The following ZBTB20 variants were observed in gnomAD, a reference collection of about 807,000 sequenced individuals.
The protein encoded by ZBTB20 is zinc finger and BTB domain-containing protein 20.
A neutral mutation model predicts 56.9 loss-of-function variants in ZBTB20; 9 were observed. The ratio of observed to expected loss-of-function variants is 0.16; its 90% CI spans 0.10 to 0.28. The LOEUF (loss-of-function observed/expected upper bound fraction) is 0.28, where lower values mean the gene tolerates loss of function less well. Among genes scored for constraint, ZBTB20 ranks in the 10% least tolerant of loss-of-function variants. The pLI, the probability that ZBTB20 is intolerant of heterozygous loss-of-function variation, is 1.00. For missense variants in ZBTB20, 655 were observed against 1,003.0 expected (o/e 0.65, Z 4.69); for synonymous variants, 417 against 420.7 (o/e 0.99, Z 0.11).
chr3:114,420,483 G>T (rs904949003), intron 7 of ZBTB20, among the ~76,000 whole-genome samples: 10 of 152,202 alleles, frequency 6.6e-5, no homozygotes, highest in Middle Eastern at 3.4e-3. Flanking sequence ...AAGGTGTCTT[G>T]CCCGCCTGTG....
rs1213788046 is a variant in ZBTB20, at chr3:114,318,383, G to C, written c.*20622C>G. The C allele has an allele frequency of 6.6e-6, 1 of 152,474 alleles. No individual in the cohort carries two copies. The highest frequency in any genetic ancestry group is 1.5e-5 in the Non-Finnish European group (1 of 68,242). 9.4% of individuals were successfully genotyped at this position (152,474 alleles called of 1,614,324 possible). On this transcript the variant is annotated 3_prime_UTR_variant, in exon 12 of 12. Coordinates refer to ENST00000675478, the MANE Select transcript of ZBTB20 (RefSeq NM_001348800.3). The stretch of plus-strand genomic sequence containing the variant: ...GGAATGTGGGCTGCTGAGAAAGGCA[G>C]AGCCAGGCTAGGGAACGATGATAAC...
intron 5 of ZBTB20, among the ~76,000 whole-genome samples, chr3:114,738,931 G>C (rs2066379863): frequency 6.6e-6 from 1 of 152,128 alleles, no homozygotes; most frequent in Admixed American, 6.5e-5. Flanking sequence ...ACATAAGCTG[G>C]ATGCTAGACT....
chr3:114,855,280 T>C (rs2075194953), intron 4 of ZBTB20, among the ~76,000 whole-genome samples: 1 of 152,218 alleles, frequency 6.6e-6, no homozygotes, highest in East Asian at 1.9e-4. Flanking sequence ...CTAGTATAGA[T>C]TGATTTTGTT....
chr3:115,138,831 T>G (rs1481257950), intron 1 of ZBTB20, among the ~76,000 whole-genome samples: 3 of 152,064 alleles, frequency 2.0e-5, no homozygotes, highest in South Asian at 2.1e-4. Flanking sequence ...AATACAAGGA[T>G]AGAATGCATT....
At chr3:114,469,190 A>G (rs1415173460) in intron 7 of ZBTB20, among the ~76,000 whole-genome samples, 1 of 152,122 alleles carries the variant, frequency 6.6e-6, no homozygotes, top group Non-Finnish European at 1.5e-5. Context: ...AATTAAAGAA[A>G]GGGCAAGACG....
intron 2 of ZBTB20, among the ~76,000 whole-genome samples, chr3:115,050,958 GATCT>G (rs1224132218): frequency 7.9e-5 from 12 of 151,982 alleles, no homozygotes; most frequent in African/African-American, 2.7e-4. Context: ...TTAAAATAAT[GATCT>G]ATCATTTTTT....
chr3:114,542,932 C>A (rs1294239888), intron 6 of ZBTB20, among the ~76,000 whole-genome samples: 2 of 152,054 alleles, frequency 1.3e-5, no homozygotes, highest in Non-Finnish European at 2.9e-5. Flanking sequence ...TGGGTTTAAA[C>A]GAAAGCTGGA....
chr3:114,693,795 C>T (rs1386454623), intron 5 of ZBTB20, among the ~76,000 whole-genome samples: 6 of 152,088 alleles, frequency 3.9e-5, no homozygotes, highest in Non-Finnish European at 8.8e-5. Flanking sequence ...TTTAAGGTCT[C>T]TAACCAGTTG....
intron 2 of ZBTB20, among the ~76,000 whole-genome samples, chr3:115,031,231 T>A (rs536540819): frequency 6.6e-6 from 1 of 150,772 alleles, no homozygotes; most frequent in Non-Finnish European, 1.5e-5. Flanking sequence ...CATGAATTAG[T>A]GGAGGTAATG....
intron 7 of ZBTB20, among the ~76,000 whole-genome samples, chr3:114,399,805 C>A (rs1406174747): frequency 2.6e-5 from 4 of 151,886 alleles, no homozygotes; most frequent in African/African-American, 9.7e-5. Context: ...AGCCTGAGAT[C>A]TCTGGATCTC....
At chr3:114,815,229 A>G (rs1346475847) in intron 4 of ZBTB20, among the ~76,000 whole-genome samples, 1 of 152,204 alleles carries the variant, frequency 6.6e-6, no homozygotes, top group Non-Finnish European at 1.5e-5. Flanking sequence ...TTTATATATT[A>G]GTAGTTAAGT....
At chr3:115,127,136 AT>A (rs1226588106) in intron 1 of ZBTB20, among the ~76,000 whole-genome samples, 1 of 152,212 alleles carries the variant, frequency 6.6e-6, no homozygotes, top group Non-Finnish European at 1.5e-5. Context: ...GTCCAAAAAA[AT>A]CTATGTTATC....
At chr3:114,589,891 C>T (rs2055566910) in intron 6 of ZBTB20, among the ~76,000 whole-genome samples, 1 of 152,108 alleles carries the variant, frequency 6.6e-6, no homozygotes, top group Non-Finnish European at 1.5e-5. Context: ...TATATTTTTC[C>T]ATAATTACAT....
intron 5 of ZBTB20, among the ~76,000 whole-genome samples, chr3:114,793,823 G>A (rs1484954571): frequency 6.6e-6 from 1 of 152,032 alleles, no homozygotes; most frequent in African/African-American, 2.4e-5. Flanking sequence ...CTGAGCCTCA[G>A]TTTCTGATAC....
chr3:115,084,760 A>G (rs1019032981), intron 1 of ZBTB20, among the ~76,000 whole-genome samples: 1 of 151,990 alleles, frequency 6.6e-6, no homozygotes, highest in Non-Finnish European at 1.5e-5. Context: ...CATATGACCA[A>G]GACCGAACTA....
intron 1 of ZBTB20, among the ~76,000 whole-genome samples, chr3:115,082,362 G>T (rs546510319): frequency 6.6e-6 from 1 of 152,106 alleles, no homozygotes; most frequent in East Asian, 1.9e-4. Flanking sequence ...ACTTCTGAGC[G>T]CCTATGCATG....
chr3:114,957,723 T>C (rs1225080747), intron 3 of ZBTB20, among the ~76,000 whole-genome samples: 2 of 152,186 alleles, frequency 1.3e-5, no homozygotes, highest in Non-Finnish European at 1.5e-5. Context: ...GGAGGAGTTA[T>C]CACCATCTAG....
At chr3:114,439,983 T>A (rs2090802354) in intron 7 of ZBTB20, among the ~76,000 whole-genome samples, 1 of 152,152 alleles carries the variant, frequency 6.6e-6, no homozygotes, top group South Asian at 2.1e-4. Flanking sequence ...TGTGTTTGAA[T>A]CTCTATAATC....
chr3:114,877,480 T>C (rs528816771), intron 4 of ZBTB20, among the ~76,000 whole-genome samples: 120 of 152,364 alleles, frequency 7.9e-4, no homozygotes, highest in African/African-American at 2.5e-3. Context: ...CAGTCAGTGT[T>C]CTTGGGCAAA....
Sources: gnomAD v4.1 joint callset for allele counts (sites outside exome capture counted in the v4.1 genomes callset) on GRCh38, gnomAD v4.1.1 for gene constraint, MANE v1.5 for transcripts, NCBI Gene and HGNC (gene_info 2026-07-23, HGNC 2026-07-21) for gene names.